The following NR3C1 variants were observed in gnomAD, a reference collection of about 807,000 sequenced individuals.
NR3C1 encodes glucocorticoid receptor.
Under a neutral mutation model 74.0 loss-of-function variants are expected in NR3C1, and 14 were observed. That is an observed-to-expected ratio of 0.19 (90% CI 0.12 to 0.30). The LOEUF (loss-of-function observed/expected upper bound fraction) is 0.30. Among genes scored for constraint, NR3C1 ranks in the 10% least tolerant of loss-of-function variants. The probability of loss-of-function intolerance (pLI) is 1.00; values close to 1 mark genes in which losing one functional copy is unlikely to be tolerated. For missense variants in NR3C1, 695 were observed against 909.8 expected, an observed-to-expected ratio of 0.76 and a Z score of 3.04; for synonymous variants, 308 against 332.5, an observed-to-expected ratio of 0.93 and a Z score of 0.80.
chr5:143,383,350 T>C (rs1836591688), intron 2 of NR3C1, among the ~76,000 whole-genome samples: 1 of 152,258 alleles, frequency 6.6e-6, no homozygotes, highest in South Asian at 2.1e-4. Flanking sequence ...TCCTCTGTGG[T>C]TCTTTGTTCA....
At chr5:143,372,831 T>C (rs1297348433) in intron 2 of NR3C1, among the ~76,000 whole-genome samples, 1 of 152,206 alleles carries the variant, frequency 6.6e-6, no homozygotes, top group Non-Finnish European at 1.5e-5. Context: ...AAACTACACA[T>C]GCATAATTTA....
intron 2 of NR3C1, among the ~76,000 whole-genome samples, chr5:143,333,699 CAG>C (rs1334201616): frequency 5.3e-5 from 8 of 152,202 alleles, no homozygotes; most frequent in African/African-American, 1.7e-4. Flanking sequence ...ACCCAGGAGG[CAG>C]AGACTGCAGT....
At chr5:143,401,311 G>C (rs1840240661) in intron 1 of NR3C1, 1 of 195,786 alleles carries the variant, frequency 5.1e-6, no homozygotes. Flanking sequence ...TATAACATTT[G>C]ATAAATACTA....
intron 2 of NR3C1, among the ~76,000 whole-genome samples, chr5:143,366,456 G>C (rs965838938): frequency 6.6e-6 from 1 of 151,166 alleles, no homozygotes; most frequent in Non-Finnish European, 1.5e-5. Context: ...GCTGCAATGA[G>C]CCGAGATTGC....
intron 2 of NR3C1, among the ~76,000 whole-genome samples, chr5:143,386,007 A>T (rs1837145587): frequency 1.3e-5 from 2 of 152,252 alleles, no homozygotes; most frequent in African/African-American, 4.8e-5. Flanking sequence ...CAACTGACTC[A>T]TAGTTCCACA....
chr5:143,358,685 T>C (rs948724253), intron 2 of NR3C1, among the ~76,000 whole-genome samples: 1 of 152,140 alleles, frequency 6.6e-6, no homozygotes, highest in Middle Eastern at 3.2e-3. Context: ...GCGGATCACC[T>C]GAGGTCAGGA....
chr5:143,371,597 C>T (rs745725000), intron 2 of NR3C1, among the ~76,000 whole-genome samples: 1 of 152,184 alleles, frequency 6.6e-6, no homozygotes, highest in Non-Finnish European at 1.5e-5. Flanking sequence ...GTGGGCTTGG[C>T]GAGAAGAGCC....
At chr5:143,372,150 A>G (rs755488511) in intron 2 of NR3C1, among the ~76,000 whole-genome samples, 1 of 152,234 alleles carries the variant, frequency 6.6e-6, no homozygotes, top group Non-Finnish European at 1.5e-5. Flanking sequence ...AATTTCATGT[A>G]TAAAAGATTC....
intron 2 of NR3C1, among the ~76,000 whole-genome samples, chr5:143,357,193 G>A (rs1485779705): frequency 6.6e-6 from 1 of 152,124 alleles, no homozygotes; most frequent in Non-Finnish European, 1.5e-5. Flanking sequence ...AGGAAAGCAA[G>A]TTTGTCAACA....
At chr5:143,295,435 T>A in intron 7 of NR3C1, 25 bp downstream of exon 7, 1 of 1,610,534 alleles carries the variant, frequency 6.2e-7, no homozygotes, top group Non-Finnish European at 8.5e-7. Context: ...GCTTTTGACA[T>A]AAGGTGAAAA....
Position 143,281,687 on chromosome 5 carries a change from C to T in NR3C1, c.*202G>A. On this transcript the variant is annotated 3_prime_UTR_variant, in exon 9 of 9. Transcript: ENST00000394464. ...AATTTCACCATCTACTCTCCCATCA[C>T]TGAAAAGTGATGACGACTCAACTGC... 1 of 561,698 alleles carries T rather than the reference C, an allele frequency of 1.8e-6. No individual in the cohort carries two copies. Among genetic ancestry groups the T allele is most frequent in the Non-Finnish European group, 3.2e-6 (1 of 316,294 alleles). The allele number at this position is 561,698 out of a possible 1,614,324, so 34.8% of individuals were successfully genotyped here. A position where few individuals can be genotyped will look rare whatever the true frequency, so the allele number is the denominator to read the frequency against.
intron 6 of NR3C1, among the ~76,000 whole-genome samples, chr5:143,296,903 C>T (rs1296727265): frequency 6.6e-6 from 1 of 151,624 alleles, no homozygotes; most frequent in African/African-American, 2.4e-5. Flanking sequence ...ATGGCAAAAC[C>T]CCGTCTCTAC....
Position 143,335,958 on chromosome 5 carries a change from G to A in NR3C1, c.1185-21790C>T, listed in dbSNP as rs368357256. Among the ~76,000 whole-genome samples the A allele has an allele frequency of 2.6e-5, 4 of 152,144 alleles. No individual in the cohort carries two copies. In the East Asian group the frequency reaches 7.7e-4, roughly 29 times the overall value. The stretch of plus-strand genomic sequence containing the variant: ...GCTCCAGGAAAAGTAGGCAAAACAT[G>A]GACACATGTATTTCCCCATATTCGC... On this transcript the variant is annotated intron_variant, in intron 2 of 8. Coordinates refer to ENST00000394464, the MANE Select transcript of NR3C1 (RefSeq NM_000176.3).
At chr5:143,282,484 C>T in intron 8 of NR3C1, 84 bp downstream of exon 8, 1 of 1,522,552 alleles carries the variant, frequency 6.6e-7, no homozygotes, top group East Asian at 2.3e-5. Context: ...GGTGGGGGCG[C>T]TGCTGGTATA....
chr5:143,350,732 G>C (rs1255418369), intron 2 of NR3C1, among the ~76,000 whole-genome samples: 1 of 152,182 alleles, frequency 6.6e-6, no homozygotes, highest in Non-Finnish European at 1.5e-5. Context: ...AAAATGAGAA[G>C]AGGGCCTAGC....
At chr5:143,416,004 T>C (rs1437495900) in intron 1 of NR3C1, among the ~76,000 whole-genome samples, 3 of 152,204 alleles carry the variant, frequency 2.0e-5, no homozygotes, top group Non-Finnish European at 4.4e-5. Flanking sequence ...TCCATCCTTA[T>C]GTTAAATGCA....
At chr5:143,417,842 C>T (rs549662898) in intron 1 of NR3C1, among the ~76,000 whole-genome samples, 139 of 152,258 alleles carry the variant, frequency 9.1e-4, no homozygotes, top group African/African-American at 2.9e-3. Flanking sequence ...TTTATCAGGC[C>T]TCTCCCAGCT....
rs79302705 is a variant in NR3C1, at chr5:143,414,108, G to T, written c.-13-13256C>A. ...ACTTCCTGCCTTTAATAGAATGTGG[G>T]TTTGTACTTTGAAATTTCAAATGTT... is the stretch of plus-strand genomic sequence containing the variant. On this transcript the variant is annotated intron_variant, in intron 1 of 8. Coordinates refer to the NR3C1 transcript ENST00000343796. 2.0e-5 allele frequency among the ~76,000 whole-genome samples: 3 copies of T among 152,296 alleles called. No homozygotes were observed. In the East Asian group the frequency reaches 5.8e-4, roughly 29 times the overall value.
intron 2 of NR3C1, among the ~76,000 whole-genome samples, chr5:143,323,018 A>T (rs1823701865): frequency 6.6e-6 from 1 of 152,222 alleles, no homozygotes; most frequent in South Asian, 2.1e-4. Context: ...TGACAGTTTC[A>T]GGTACCTGCA....
Sources: allele counts gnomAD v4.1 joint callset (sites outside exome capture counted in the v4.1 genomes callset), GRCh38; gene constraint gnomAD v4.1.1; transcripts MANE v1.5; gene names NCBI Gene and HGNC (gene_info 2026-07-23, HGNC 2026-07-21).